The following MERTK variants were observed in gnomAD, a reference collection of about 807,000 sequenced individuals.
MERTK encodes tyrosine-protein kinase Mer.
MERTK carries 69 observed loss-of-function variants against 99.3 expected under a neutral mutation model. The ratio of observed to expected loss-of-function variants is 0.70; its 90% confidence interval spans 0.57 to 0.85. The LOEUF (loss-of-function observed/expected upper bound fraction) is 0.85, where lower values mean the gene tolerates loss of function less well. Among genes scored for constraint, MERTK ranks in the 40% least tolerant of loss-of-function variants. The pLI is 0.00. For missense variants in MERTK, 1,125 were observed against 1,249.4 expected, an observed-to-expected ratio of 0.90 and a Z score of 1.50; for synonymous variants, 426 against 467.6, an observed-to-expected ratio of 0.91 and a Z score of 1.15.
At chr2:111,973,060 T>C (rs1023248761) in intron 6 of MERTK, among the ~76,000 whole-genome samples, 3 of 152,218 alleles carry the variant, frequency 2.0e-5, no homozygotes, top group Non-Finnish European at 4.4e-5. Flanking sequence ...CACCCATTTT[T>C]GGGCCACACA....
intron 1 of MERTK, among the ~76,000 whole-genome samples, chr2:111,907,564 G>C (rs1004314525): frequency 6.6e-6 from 1 of 152,214 alleles, no homozygotes; most frequent in Non-Finnish European, 1.5e-5. Flanking sequence ...GAGAATATTG[G>C]ATCTCCCCAA....
At chr2:111,961,828 CA>C (rs1385401162) in intron 4 of MERTK, among the ~76,000 whole-genome samples, 1 of 152,228 alleles carries the variant, frequency 6.6e-6, no homozygotes, top group Non-Finnish European at 1.5e-5. Flanking sequence ...CAGCGTCTCT[CA>C]GTCACAGCTC....
intron 1 of MERTK, among the ~76,000 whole-genome samples, chr2:111,909,432 TA>T (rs1197195313): frequency 6.6e-6 from 1 of 152,166 alleles, no homozygotes; most frequent in Non-Finnish European, 1.5e-5. Flanking sequence ...CTGGGGATCT[TA>T]AGAAATTCCC....
intron 1 of MERTK, among the ~76,000 whole-genome samples, chr2:111,915,111 A>C (rs12992449): frequency 6.6e-6 from 1 of 151,968 alleles, no homozygotes; most frequent in African/African-American, 2.4e-5. Flanking sequence ...TGTGGGGTAC[A>C]TTGTGATAGT....
intron 18 of MERTK, among the ~76,000 whole-genome samples, chr2:112,025,492 C>T (rs1677444603): frequency 6.6e-6 from 1 of 152,220 alleles, no homozygotes; most frequent in Admixed American, 6.5e-5. Flanking sequence ...CTTATATCCA[C>T]CTTCCCCATC....
At chr2:111,965,097 C>A in intron 4 of MERTK, 94 bp from the exon 5 acceptor site, 1 of 1,246,966 alleles carries the variant, frequency 8.0e-7, no homozygotes, top group Non-Finnish European at 1.2e-6. Flanking sequence ...AGCCATGAAC[C>A]AAGAAATAAA....
At chr2:112,003,841 A>T (rs1262496350) in intron 12 of MERTK, 63 bp from the exon 13 acceptor site, 1 of 1,383,908 alleles carries the variant, frequency 7.2e-7, no homozygotes, top group African/African-American at 1.4e-5. Context: ...CTGGCACTGT[A>T]GCATTTCTGT....
At chr2:112,003,849 T>C (rs1676922722) in intron 12 of MERTK, 55 bp from the exon 13 acceptor site, 1 of 1,435,178 alleles carries the variant, frequency 7.0e-7, no homozygotes, top group Non-Finnish European at 9.8e-7. Context: ...GTAGCATTTC[T>C]GTGGTCAGGG....
At chr2:112,021,243 C>A in intron 16 of MERTK, 179 bp from the exon 17 acceptor site, 1 of 312,258 alleles carries the variant, frequency 3.2e-6, no homozygotes, top group Non-Finnish European at 4.7e-6. Flanking sequence ...CTTGCTCTTG[C>A]TCTGCTGTTG....
chr2:111,982,908 G>C lies in MERTK; in HGVS notation c.1211G>C (p.Arg404Thr). 6.2e-7 allele frequency: 1 copy of C among 1,614,160 alleles called. No homozygotes were observed. The highest frequency in any genetic ancestry group is 8.5e-7 in the Non-Finnish European group (1 of 1,180,032). Reference sequence around the variant, plus strand: ...GAATCTAGTGATAATGTGGACATCAGATGGATGAAGCCTCCGACTAAGCAG... The same window carrying C: ...GAATCTAGTGATAATGTGGACATCACATGGATGAAGCCTCCGACTAAGCAG... ...LNESSDNVDI[R>T]WMKPPTKQQD... The change falls in exon 8 of 19, where the codon AGA becomes ACA. Residue 404 changes from arginine (R) to threonine (T), a missense_variant. Physicochemically the swap from Arg to Thr is moderately conservative, Grantham distance 71. Coordinates refer to ENST00000295408, the MANE Select transcript of MERTK (RefSeq NM_006343.3).
rs750449988 is a variant in MERTK, at chr2:111,945,013, T to C, written c.536T>C (p.Ile179Thr). Residue 179 changes from isoleucine to threonine, a missense_variant, in exon 3 of 19, where the codon ATA becomes ACA. Ile to Thr is a moderately conservative substitution (Grantham distance 89). Transcript: ENST00000295408. Reference protein sequence around the residue: ...DNGSYICKMKINNEEIVSDPI... With the variant: ...DNGSYICKMKTNNEEIVSDPI... ...GGGTCGTATATCTGTAAGATGAAAATAAACAATGAAGAGATCGTGTCTGAT... is the reference window on the plus strand; with the variant it reads ...GGGTCGTATATCTGTAAGATGAAAACAAACAATGAAGAGATCGTGTCTGAT... 1.9e-6 allele frequency: 3 copies of C among 1,613,780 alleles called. No homozygotes were observed. In the South Asian group the frequency reaches 3.3e-5, roughly 18 times the overall value.
At chr2:111,975,041 C>T (rs968342388) in intron 6 of MERTK, among the ~76,000 whole-genome samples, 8 of 152,024 alleles carry the variant, frequency 5.3e-5, no homozygotes, top group East Asian at 1.9e-4. Context: ...TTATTTGCTC[C>T]GTTACCTGCC....
At chr2:111,903,187 G>T (rs1040324267) in intron 1 of MERTK, among the ~76,000 whole-genome samples, 2 of 152,146 alleles carry the variant, frequency 1.3e-5, no homozygotes, top group Non-Finnish European at 2.9e-5. Context: ...GAGCTCATAC[G>T]GGTGCTCAGT....
Position 111,954,531 on chromosome 2 carries a change from A to C in MERTK, c.757+6964A>C, listed in dbSNP as rs1685114013. Among the ~76,000 whole-genome samples, 3 of 152,226 alleles carry C rather than the reference A, an allele frequency of 2.0e-5. No individual in the cohort carries two copies. In the South Asian group the frequency reaches 6.2e-4, roughly 32 times the overall value. On this transcript the variant is annotated intron_variant, in intron 4 of 18. Transcript: ENST00000295408. ...GTGCCTGGCACATAAGAACTATGTG[A>C]ATGAATGAATGAACTAATGAGCAAA...
intron 1 of MERTK, among the ~76,000 whole-genome samples, chr2:111,926,832 G>A (rs570963525): frequency 1.3e-5 from 2 of 152,328 alleles, no homozygotes; most frequent in African/African-American, 2.4e-5. Flanking sequence ...GCTGCAGAAA[G>A]CATCCACACA....
At chr2:111,979,733 T>A (rs1250393857) in intron 7 of MERTK, among the ~76,000 whole-genome samples, 1 of 152,200 alleles carries the variant, frequency 6.6e-6, no homozygotes, top group African/African-American at 2.4e-5. Context: ...TTACTTATCA[T>A]GTTGCTAATT....
At chr2:111,960,827 T>G (rs1459871758) in intron 4 of MERTK, among the ~76,000 whole-genome samples, 1 of 151,980 alleles carries the variant, frequency 6.6e-6, no homozygotes, top group East Asian at 1.9e-4. Flanking sequence ...TACCTCAAAT[T>G]ACATTTTTTG....
At chr2:111,935,591 T>C (rs998704046) in intron 2 of MERTK, among the ~76,000 whole-genome samples, 1 of 151,832 alleles carries the variant, frequency 6.6e-6, no homozygotes, top group African/African-American at 2.4e-5. Flanking sequence ...TTTGGCATCA[T>C]GCACAAGAGT....
intron 4 of MERTK, among the ~76,000 whole-genome samples, chr2:111,951,152 G>T (rs4632346): frequency 0.53 from 78,686 of 149,336 alleles, 20,885 homozygotes; most frequent in Middle Eastern, 0.57. Context: ...GGGGAGGGAG[G>T]GAGGCGACAG....
Sources: allele counts gnomAD v4.1 joint callset (sites outside exome capture counted in the v4.1 genomes callset), GRCh38; gene constraint gnomAD v4.1.1; transcripts MANE v1.5; gene names NCBI Gene and HGNC (gene_info 2026-07-23, HGNC 2026-07-21).